Variants in NBEA observed in about 807,000 individuals in gnomAD.
The protein encoded by NBEA is neurobeachin, also known as lysosomal-trafficking regulator 2.
NBEA carries 44 observed loss-of-function variants against 343.4 expected under a neutral mutation model. The ratio of observed to expected loss-of-function variants is 0.13; its 90% CI spans 0.10 to 0.16. The LOEUF (loss-of-function observed/expected upper bound fraction) is 0.16, where lower values mean the gene tolerates loss of function less well. Among genes scored for constraint, NBEA ranks in the 10% least tolerant of loss-of-function variants. The pLI is 1.00. For missense variants in NBEA, 2,555 were observed against 3,631.3 expected, an observed-to-expected ratio of 0.70 and a Z score of 7.62; for synonymous variants, 1,175 against 1,238.7, an observed-to-expected ratio of 0.95 and a Z score of 1.08.
intron 1 of NBEA, among the ~76,000 whole-genome samples, chr13:34,952,002 C>G (rs2059364578): frequency 6.6e-6 from 1 of 152,160 alleles, no homozygotes; most frequent in Non-Finnish European, 1.5e-5. Flanking sequence ...TCCTCTAACC[C>G]TCAGAATAAT....
intron 36 of NBEA, among the ~76,000 whole-genome samples, chr13:35,327,068 C>T (rs943387559): frequency 2.0e-5 from 3 of 151,804 alleles, no homozygotes; most frequent in Non-Finnish European, 4.4e-5. Flanking sequence ...CAAATCAAAA[C>T]CACAATGATA....
intron 36 of NBEA, among the ~76,000 whole-genome samples, chr13:35,337,371 A>G (rs2039326928): frequency 6.6e-6 from 1 of 152,134 alleles, no homozygotes; most frequent in Admixed American, 6.6e-5. Context: ...AATATCAGAC[A>G]AACTATATTT....
intron 24 of NBEA, chr13:35,165,219 G>A (rs1348327538): frequency 4.3e-6 from 2 of 466,118 alleles, no homozygotes; most frequent in East Asian, 1.2e-4. Context: ...TGATCTCTAA[G>A]TGTATTTCAT....
intron 36 of NBEA, among the ~76,000 whole-genome samples, chr13:35,316,334 A>G (rs1437603309): frequency 2.6e-5 from 4 of 151,098 alleles, no homozygotes; most frequent in Non-Finnish European, 5.9e-5. Flanking sequence ...GTCACCTCCC[A>G]CTTATGAGTG....
chr13:35,014,973 T>C (rs1391772863), intron 1 of NBEA, among the ~76,000 whole-genome samples: 1 of 151,602 alleles, frequency 6.6e-6, no homozygotes, highest in African/African-American at 2.4e-5. Context: ...GCAGGTGTAG[T>C]ACTGGGGAGG....
chr13:35,236,198 C>T (rs1438050373), intron 34 of NBEA, among the ~76,000 whole-genome samples: 1 of 152,040 alleles, frequency 6.6e-6, no homozygotes, highest in Non-Finnish European at 1.5e-5. Context: ...TAAATTTTTG[C>T]TAGTTCATAC....
intron 1 of NBEA, among the ~76,000 whole-genome samples, chr13:35,029,589 A>T (rs1161946611): frequency 6.6e-6 from 1 of 151,652 alleles, no homozygotes; most frequent in Admixed American, 6.6e-5. Context: ...TTGCAAAGAA[A>T]TCCAGCAGTT....
intron 30 of NBEA, among the ~76,000 whole-genome samples, chr13:35,191,649 AAGTT>A (rs1266195456): frequency 1.3e-5 from 2 of 152,070 alleles, no homozygotes; most frequent in Admixed American, 6.6e-5. Context: ...CAAAATGTGT[AAGTT>A]AGTTACATAT....
intron 6 of NBEA, among the ~76,000 whole-genome samples, chr13:35,051,696 T>G (rs554454534): frequency 2.6e-5 from 4 of 152,160 alleles, no homozygotes; most frequent in South Asian, 2.1e-4. Flanking sequence ...GCTCTGGAAA[T>G]TCTGTTTTAT....
chr13:35,663,869 C>T (rs1387086314), intron 55 of NBEA, among the ~76,000 whole-genome samples: 2 of 152,218 alleles, frequency 1.3e-5, no homozygotes, highest in Non-Finnish European at 2.9e-5. Flanking sequence ...TGTCCCCCTT[C>T]TCCCACACTC....
At chr13:35,644,431 CTT>C (rs1464826005) in intron 49 of NBEA, among the ~76,000 whole-genome samples, 2 of 142,418 alleles carry the variant, frequency 1.4e-5, no homozygotes, top group African/African-American at 6.2e-5. Flanking sequence ...TAATACTTTC[CTT>C]TAAGAAACAA....
At chr13:35,407,270 T>C (rs897657282) in intron 38 of NBEA, among the ~76,000 whole-genome samples, 2 of 152,040 alleles carry the variant, frequency 1.3e-5, no homozygotes, top group African/African-American at 4.8e-5. Context: ...CGGCCTATTT[T>C]TTTTCATCTG....
At chr13:35,292,980 A>G (rs1220039143) in intron 35 of NBEA, among the ~76,000 whole-genome samples, 1 of 152,018 alleles carries the variant, frequency 6.6e-6, no homozygotes, top group Non-Finnish European at 1.5e-5. Context: ...TTTCTTTGCT[A>G]CAACACATTA....
intron 13 of NBEA, among the ~76,000 whole-genome samples, chr13:35,116,928 A>G (rs1429931306): frequency 6.6e-6 from 1 of 151,270 alleles, no homozygotes; most frequent in Non-Finnish European, 1.5e-5. Context: ...TTTTCTGTAT[A>G]CAAGTGACAT....
At chr13:35,645,842 G>A (rs544926807) in intron 49 of NBEA, 27 bp from the exon 50 acceptor site, 1 of 1,422,046 alleles carries the variant, frequency 7.0e-7, no homozygotes, top group East Asian at 2.4e-5. Flanking sequence ...TAGACTTCAT[G>A]TCTCATTCTT....
chr13:35,540,061 A>G (rs1025433062), intron 41 of NBEA, among the ~76,000 whole-genome samples: 23 of 151,844 alleles, frequency 1.5e-4, no homozygotes, highest in African/African-American at 5.1e-4. Context: ...CATTACTGCA[A>G]CTCTACCCTG....
intron 36 of NBEA, among the ~76,000 whole-genome samples, chr13:35,328,957 C>G (rs987190333): frequency 2.1e-4 from 32 of 151,782 alleles, no homozygotes; most frequent in Admixed American, 1.5e-3. Flanking sequence ...TAAAGATAGA[C>G]AGATCAACGG....
chr13:34,954,806 G>T (rs1457843808), intron 1 of NBEA, among the ~76,000 whole-genome samples: 1 of 152,104 alleles, frequency 6.6e-6, no homozygotes, highest in African/African-American at 2.4e-5. Flanking sequence ...TTGCAGTGTT[G>T]AGGGAAGTGA....
At chr13:35,045,604 C>G (rs577752818) in intron 4 of NBEA, among the ~76,000 whole-genome samples, 1 of 152,262 alleles carries the variant, frequency 6.6e-6, no homozygotes, top group East Asian at 1.9e-4. Context: ...AGATATTCCC[C>G]TCTACCCATC....
Sources: allele counts gnomAD v4.1 joint callset (sites outside exome capture counted in the v4.1 genomes callset), GRCh38; gene constraint gnomAD v4.1.1; transcripts MANE v1.5; gene names NCBI Gene and HGNC (gene_info 2026-07-23, HGNC 2026-07-21).